EFCAB5: variants seen among roughly 807,000 people sequenced by gnomAD.
The protein encoded by EFCAB5 is EF-hand calcium binding domain 5, also known as EF-hand calcium-binding domain-containing protein 5.
Under a neutral mutation model 167.9 loss-of-function variants are expected in EFCAB5, and 131 were observed. That is an observed-to-expected ratio of 0.78 (90% confidence interval 0.68 to 0.90). The LOEUF is 0.90. Among genes scored for constraint, EFCAB5 ranks in the 40% least tolerant of loss-of-function variants. The probability of loss-of-function intolerance (pLI) is 0.00; values close to 1 mark genes in which losing one functional copy is unlikely to be tolerated. For missense variants in EFCAB5, 1,663 were observed against 1,745.2 expected (o/e 0.95, Z 0.84); for synonymous variants, 574 against 602.8 (o/e 0.95, Z 0.70).
intron 14 of EFCAB5, 135 bp downstream of exon 14, chr17:30,059,836 A>G (rs2070378160): frequency 1.7e-6 from 1 of 581,336 alleles, no homozygotes; most frequent in Non-Finnish European, 2.6e-6. Flanking sequence ...GTATAGATAT[A>G]CATTTATCTT....
At chr17:29,948,270 T>G (rs2151529263) in intron 3 of EFCAB5, among the ~76,000 whole-genome samples, 1 of 152,314 alleles carries the variant, frequency 6.6e-6, no homozygotes, top group Non-Finnish European at 1.5e-5. Context: ...TCAGGTAATT[T>G]TTCACCTCCC....
chr17:30,068,888 G>A, intron 14 of EFCAB5: 1 of 1,526,998 alleles, frequency 6.5e-7, no homozygotes, highest in South Asian at 1.1e-5. Flanking sequence ...GAATATGGGA[G>A]GATGACAGAC....
intron 22 of EFCAB5, among the ~76,000 whole-genome samples, chr17:30,106,894 T>C (rs990805636): frequency 6.6e-6 from 1 of 152,178 alleles, no homozygotes; most frequent in Non-Finnish European, 1.5e-5. Context: ...TGAGCCATGA[T>C]CGTGCCACTG....
At position 30,055,915 on chromosome 17, in the gene EFCAB5, A is replaced by G. The variant is rs371387519; in HGVS notation, c.2222A>G (p.Asp741Gly). The change falls in exon 11 of 23, where the codon GAC becomes GGC. Residue 741 changes from aspartate (D) to glycine (G), a missense_variant. Coordinates refer to ENST00000394835, the MANE Select transcript of EFCAB5 (RefSeq NM_198529.4). ...PETTKKEVQK[D>G]KPCEPKSQKI... is the part of the protein sequence containing the mutation. The stretch of plus-strand genomic sequence containing the variant: ...ACTACAAAAAAGGAAGTTCAGAAAG[A>G]CAAGCCCTGTGAACCCAAGTCCCAA... 3 of 1,613,552 alleles carry G rather than the reference A, an allele frequency of 1.9e-6. No individual in the cohort carries two copies. The highest frequency in any genetic ancestry group is 2.7e-5 in the African/African-American group (2 of 74,930).
intron 7 of EFCAB5, among the ~76,000 whole-genome samples, chr17:30,028,696 G>T (rs2069397283): frequency 6.6e-6 from 1 of 152,108 alleles, no homozygotes; most frequent in South Asian, 2.1e-4. Flanking sequence ...CAGATTGAGA[G>T]GTTTAAACAA....
chr17:30,036,198 A>G, intron 8 of EFCAB5, among the ~76,000 whole-genome samples: 1 of 140,850 alleles, frequency 7.1e-6, no homozygotes, highest in South Asian at 2.1e-4. Context: ...AATATATCTT[A>G]TAATATATAT....
chr17:30,107,877 T>C lies in EFCAB5; in HGVS notation c.4365T>C (p.Ile1455=), dbSNP rs751530105. 5.0e-6 allele frequency: 8 copies of C among 1,585,278 alleles called. No homozygotes were observed. In the South Asian group the frequency reaches 9.4e-5, roughly 19 times the overall value. Residue 1455 remains isoleucine, a synonymous_variant, in exon 23 of 23, where the codon ATT becomes ATC. Coordinates refer to ENST00000394835, the MANE Select transcript of EFCAB5 (RefSeq NM_198529.4). ...TATGGAAATTTGGTAATGTTGTCAT[T>C]GAACATCTATACCACTGGATACACA... is the stretch of plus-strand genomic sequence containing the variant. ...TEVWKFGNVV[I]EHLYHWIHIC...
chr17:29,955,863 A>G (rs1250864499), intron 3 of EFCAB5, among the ~76,000 whole-genome samples: 1 of 152,230 alleles, frequency 6.6e-6, no homozygotes, highest in Admixed American at 6.5e-5. Flanking sequence ...TAGCCAAGCA[A>G]TCTTAAGCAA....
chr17:29,975,557 C>T (rs1389175959), intron 4 of EFCAB5, among the ~76,000 whole-genome samples: 1 of 152,096 alleles, frequency 6.6e-6, no homozygotes, highest in African/African-American at 2.4e-5. Context: ...ACACCTGGCC[C>T]ACCTACACTC....
intron 7 of EFCAB5, among the ~76,000 whole-genome samples, chr17:30,015,995 T>A (rs1272038240): frequency 6.6e-6 from 1 of 152,074 alleles, no homozygotes; most frequent in African/African-American, 2.4e-5. Flanking sequence ...GCCAGGCTGG[T>A]CTCAAACTCC....
intron 7 of EFCAB5, among the ~76,000 whole-genome samples, chr17:30,021,511 CATT>C (rs1176253320): frequency 6.7e-6 from 1 of 148,864 alleles, no homozygotes; most frequent in African/African-American, 2.4e-5. Flanking sequence ...GAGTGATATA[CATT>C]ATTTATTTTA....
intron 5 of EFCAB5, among the ~76,000 whole-genome samples, chr17:29,995,462 G>T (rs2068524700): frequency 6.6e-6 from 1 of 152,190 alleles, no homozygotes; most frequent in African/African-American, 2.4e-5. Context: ...CTTTGATTGT[G>T]CTTTGTCTTC....
chr17:29,978,943 C>G (rs2151602451), intron 4 of EFCAB5, among the ~76,000 whole-genome samples: 1 of 152,278 alleles, frequency 6.6e-6, no homozygotes, highest in South Asian at 2.1e-4. Flanking sequence ...TCCCAGCTTC[C>G]CTGGGGCAGG....
chr17:29,972,420 A>C (rs1236568003), intron 4 of EFCAB5: 1 of 152,064 alleles, frequency 6.6e-6, no homozygotes, highest in Non-Finnish European at 1.5e-5. Context: ...AGGAGTGCTC[A>C]TAAATATTGT....
intron 14 of EFCAB5, chr17:30,069,405 T>C (rs2070668448): frequency 2.6e-6 from 4 of 1,532,466 alleles, no homozygotes; most frequent in African/African-American, 1.4e-5. Context: ...AAAGGGAGAG[T>C]GGTTGAGATT....
intron 4 of EFCAB5, among the ~76,000 whole-genome samples, chr17:29,976,806 C>A (rs1438760739): frequency 1.3e-5 from 2 of 152,084 alleles, no homozygotes; most frequent in Non-Finnish European, 2.9e-5. Context: ...CTTTTGTCTG[C>A]CTACTTTCTA....
chr17:30,091,246 T>A (rs188338155), intron 20 of EFCAB5, among the ~76,000 whole-genome samples: 1 of 152,280 alleles, frequency 6.6e-6, no homozygotes, highest in East Asian at 1.9e-4. Flanking sequence ...TAGACTTTAG[T>A]TTTTGTGATT....
At chr17:29,933,755 T>G (rs1356097817) in intron 1 of EFCAB5, among the ~76,000 whole-genome samples, 2 of 152,200 alleles carry the variant, frequency 1.3e-5, no homozygotes, top group Non-Finnish European at 2.9e-5. Flanking sequence ...TGAAAACTAT[T>G]GACCTTCTCT....
At position 30,082,095 on chromosome 17, in the gene EFCAB5, G is replaced by T. The variant is rs114486489; in HGVS notation, c.3427-796G>T. Reference sequence around the variant, plus strand: ...GAACAGGGTCTCCTTATGCCTGTAAGAGGACTACGTAATCTAGCACACTGT... The same window carrying T: ...GAACAGGGTCTCCTTATGCCTGTAATAGGACTACGTAATCTAGCACACTGT... On this transcript the variant is annotated intron_variant, in intron 17 of 22. Transcript: ENST00000394835. Among the ~76,000 whole-genome samples, 622 of 152,246 alleles carry T rather than the reference G, an allele frequency of 4.1e-3. 5 individuals are homozygous for T. Among genetic ancestry groups the T allele is most frequent in the African/African-American group, 0.014 (592 of 41,564 alleles).
Sources: allele counts gnomAD v4.1 joint callset (sites outside exome capture counted in the v4.1 genomes callset), GRCh38; gene constraint gnomAD v4.1.1; transcripts MANE v1.5; gene names NCBI Gene and HGNC (gene_info 2026-07-23, HGNC 2026-07-21).